Variants in ATP10B observed in about 807,000 individuals in gnomAD.
ATP10B encodes the protein ATPase phospholipid transporting 10B (putative).
ATP10B carries 122 observed loss-of-function variants against 141.2 expected under a neutral mutation model. The ratio of observed to expected loss-of-function variants is 0.86; its 90% CI spans 0.75 to 1.00. The LOEUF is 1.00. Among genes scored for constraint, ATP10B ranks in the 50% least tolerant of loss-of-function variants. The pLI is 0.00. For missense variants in ATP10B, 1,876 were observed against 1,825.3 expected, an observed-to-expected ratio of 1.03 and a Z score of -0.51; for synonymous variants, 685 against 692.0, an observed-to-expected ratio of 0.99 and a Z score of 0.16.
the ATP10B span, among the ~76,000 whole-genome samples, chr5:160,925,299 A>G: frequency 5.3e-5 from 8 of 152,246 alleles, no homozygotes; most frequent in African/African-American, 1.4e-4. Flanking sequence ...GAAAAGTAGC[A>G]GCAGCAGCAA....
rs1204679596 is a variant in ATP10B at position 160,564,960 on chromosome 5, G to A, written c.*493C>T. On this transcript the variant is annotated 3_prime_UTR_variant, in exon 26 of 26. Coordinates refer to ENST00000327245, the MANE Select transcript of ATP10B (RefSeq NM_025153.3). ...TGTGCCTGGAAGGGATGTTAACCCC[G>A]ATTCAGCCATTACTGCAATACACTT... The A allele has an allele frequency of 6.5e-6, 1 of 153,460 alleles. No individual in the cohort carries two copies. Among genetic ancestry groups the A allele is most frequent in the African/African-American group, 2.4e-5 (1 of 41,442 alleles). 9.5% of individuals were successfully genotyped at this position (153,460 alleles called of 1,614,324 possible).
chr5:160,717,491 A>G lies in ATP10B; in HGVS notation c.-330-457T>C, dbSNP rs576080473. On this transcript the variant is annotated intron_variant, in intron 2 of 25. Transcript: ENST00000327245. ...AACTGCCTTCCCTGCTAAAAGTTCAAGCCCTCAGTGAACTTGGGACAGTTT... is the reference window on the plus strand; with the variant it reads ...AACTGCCTTCCCTGCTAAAAGTTCAGGCCCTCAGTGAACTTGGGACAGTTT... Among the ~76,000 whole-genome samples, 6 of 152,302 alleles carry G rather than the reference A, an allele frequency of 3.9e-5. No homozygotes were observed. The South Asian group carries it at 1.2e-3, about 32-fold the overall frequency.
At chr5:160,632,765 T>C (rs1759032299) in intron 12 of ATP10B, 1 of 161,736 alleles carries the variant, frequency 6.2e-6, no homozygotes, top group Non-Finnish European at 1.4e-5. Context: ...GAAGCTCCCA[T>C]GTGAATGGTC....
At chr5:160,665,660 A>T (rs1762278668) in intron 7 of ATP10B, among the ~76,000 whole-genome samples, 1 of 152,220 alleles carries the variant, frequency 6.6e-6, no homozygotes, top group South Asian at 2.1e-4. Flanking sequence ...GTCTCTTGGG[A>T]CAAGTGCTTA....
At chr5:160,879,601 G>T in the ATP10B span, among the ~76,000 whole-genome samples, 2 of 151,246 alleles carry the variant, frequency 1.3e-5, no homozygotes, top group Non-Finnish European at 2.9e-5. Flanking sequence ...CACTTTGGGA[G>T]GCCAAGGTGG....
rs1763691113 is a variant in ATP10B, at chr5:160,685,434, C to T, written c.470+645G>A. ...TCCTTCTACTTGTTTGAGACTCCACCTGTTGGAATGTAGACGTCACCTACA... is the reference window on the plus strand; with the variant it reads ...TCCTTCTACTTGTTTGAGACTCCACTTGTTGGAATGTAGACGTCACCTACA... On this transcript the variant is annotated intron_variant, in intron 6 of 25. Transcript: ENST00000327245. 1.7e-5 allele frequency: 7 copies of T among 406,418 alleles called. No homozygotes were observed. In the South Asian group the frequency reaches 6.0e-4, roughly 35 times the overall value. The allele number at this position is 406,418 out of a possible 1,614,324, so 25.2% of individuals were successfully genotyped here.
intron 3 of ATP10B, among the ~76,000 whole-genome samples, chr5:160,700,449 A>G (rs1019551731): frequency 6.6e-6 from 1 of 152,202 alleles, no homozygotes; most frequent in African/African-American, 2.4e-5. Flanking sequence ...AGGGGGATGC[A>G]TGACCATGTT....
At chr5:160,694,847 T>C (rs1023009113) in intron 3 of ATP10B, among the ~76,000 whole-genome samples, 4 of 152,196 alleles carry the variant, frequency 2.6e-5, no homozygotes, top group Non-Finnish European at 5.9e-5. Context: ...GAAATAAATA[T>C]ATATTCACCA....
chr5:160,602,798 C>T (rs1016047103), intron 20 of ATP10B, 96 bp from the exon 21 acceptor site: 2 of 1,540,646 alleles, frequency 1.3e-6, no homozygotes, highest in Admixed American at 1.7e-5. Context: ...AGGCCTACGG[C>T]CAGCAGAGTC....
At chr5:160,805,196 G>A (rs564873685) in intron 1 of ATP10B, among the ~76,000 whole-genome samples, 29 of 152,272 alleles carry the variant, frequency 1.9e-4, no homozygotes, top group African/African-American at 7.0e-4. Context: ...ATATATCATT[G>A]TTTATGTATC....
intron 1 of ATP10B, among the ~76,000 whole-genome samples, chr5:160,838,692 G>A (rs1775622555): frequency 6.6e-6 from 1 of 152,094 alleles, no homozygotes; most frequent in African/African-American, 2.4e-5. Flanking sequence ...GAACGATGTG[G>A]AGTAATCTTT....
At chr5:160,679,870 C>T (rs1763266753) in intron 6 of ATP10B, among the ~76,000 whole-genome samples, 1 of 152,144 alleles carries the variant, frequency 6.6e-6, no homozygotes, top group Non-Finnish European at 1.5e-5. Flanking sequence ...ATTTACTAAG[C>T]TGGATGGAAA....
Position 160,785,742 on chromosome 5 carries a change from C to T in ATP10B, c.-514G>A, listed in dbSNP as rs939449105. ...AATAGGAAAAACTACTTACTCTTCA[C>T]ACTGTTGCTTTCATTGAAACAAATG... On this transcript the variant is annotated 5_prime_UTR_variant, in exon 2 of 26. The change creates a new upstream start codon in the 5' untranslated region. Transcript: ENST00000327245. The T allele has an allele frequency of 5.5e-5, 67 of 1,228,956 alleles. No homozygotes were observed. In the African/African-American group the frequency reaches 1.0e-3, roughly 19 times the overall value. 76.1% of individuals were successfully genotyped at this position (1,228,956 alleles called of 1,614,324 possible). A position where few individuals can be genotyped will look rare whatever the true frequency, so the allele number is the denominator to read the frequency against.
At chr5:160,729,623 A>G (rs576396400) in intron 2 of ATP10B, among the ~76,000 whole-genome samples, 1 of 152,370 alleles carries the variant, frequency 6.6e-6, no homozygotes, top group South Asian at 2.1e-4. Flanking sequence ...TGGCAGTAGC[A>G]ACGGCCTACA....
chr5:160,884,349 C>G, the ATP10B span, among the ~76,000 whole-genome samples: 2 of 152,088 alleles, frequency 1.3e-5, no homozygotes, highest in African/African-American at 4.8e-5. Context: ...GTTAATTGAT[C>G]AGTATTTTCC....
rs1374923351 is a variant in ATP10B at position 160,810,398 on chromosome 5, T to C, written c.-575-24595A>G. Among the ~76,000 whole-genome samples the C allele has an allele frequency of 4.6e-5, 6 of 131,392 alleles. No homozygotes were observed. The South Asian group carries it at 1.1e-3, about 25-fold the overall frequency. 86.2% of individuals were successfully genotyped at this position (131,392 alleles called of 152,430 possible). ...TAAATGTATGAGATTTTTAAAAAGTTATCTTTTTATCATCAATAATTTAAT... is the reference window on the plus strand; with the variant it reads ...TAAATGTATGAGATTTTTAAAAAGTCATCTTTTTATCATCAATAATTTAAT... On this transcript the variant is annotated intron_variant, in intron 1 of 25. Transcript: ENST00000327245.
At position 160,614,989 on chromosome 5, in the gene ATP10B, C is replaced by T. The variant is rs77283813; in HGVS notation, c.2653+849G>A. ...CTGTTGAATAAAGCTCCCCTTGCTTCTTGGCAATGCCTTTCCTCCAACAGA... is the reference window on the plus strand; with the variant it reads ...CTGTTGAATAAAGCTCCCCTTGCTTTTTGGCAATGCCTTTCCTCCAACAGA... On this transcript the variant is annotated intron_variant, in intron 17 of 25. Coordinates refer to ENST00000327245, the MANE Select transcript of ATP10B (RefSeq NM_025153.3). 3.3e-5 allele frequency among the ~76,000 whole-genome samples: 5 copies of T among 152,324 alleles called. No homozygotes were observed. The East Asian group carries it at 7.7e-4, about 24-fold the overall frequency.
chr5:160,604,130 A>G lies in ATP10B; in HGVS notation c.3161-89T>C, dbSNP rs2127628489. The G allele has an allele frequency of 2.0e-5, 18 of 920,536 alleles. No individual in the cohort carries two copies. In the Middle Eastern group the frequency reaches 1.3e-3, roughly 65 times the overall value. The allele number at this position is 920,536 out of a possible 1,614,324, so 57.0% of individuals were successfully genotyped here. On this transcript the variant is annotated intron_variant, in intron 19 of 25. Transcript: ENST00000327245. Reference sequence around the variant, plus strand: ...TCTAAAGTGTCCCCAGTTACATACAATTGAATCCTTTTAACATTACTCTAG... The same window carrying G: ...TCTAAAGTGTCCCCAGTTACATACAGTTGAATCCTTTTAACATTACTCTAG...
chr5:160,927,040 A>C, the ATP10B span, among the ~76,000 whole-genome samples: 1 of 152,246 alleles, frequency 6.6e-6, no homozygotes, highest in Non-Finnish European at 1.5e-5. Flanking sequence ...TATAGAGAAC[A>C]GTAGTTATTA....
Sources: gnomAD v4.1 joint callset for allele counts (sites outside exome capture counted in the v4.1 genomes callset) on GRCh38, gnomAD v4.1.1 for gene constraint, MANE v1.5 for transcripts, NCBI Gene and HGNC (gene_info 2026-07-23, HGNC 2026-07-21) for gene names.